WNT7A: variants seen among roughly 807,000 people sequenced by gnomAD.
The protein encoded by WNT7A is Wnt family member 7A, also known as protein Wnt-7a.
In WNT7A, 16 loss-of-function variants were observed where a neutral mutation model predicts 28.2. The observed-to-expected ratio is 0.57, with a 90% CI of 0.38 to 0.86. The LOEUF is 0.86. Among genes scored for constraint, WNT7A ranks in the 40% least tolerant of loss-of-function variants. The pLI is 0.00. For synonymous variants in WNT7A, 190 were observed against 195.9 expected (o/e 0.97, Z 0.25); for missense variants, 411 against 489.7 (o/e 0.84, Z 1.52).
intron 3 of WNT7A, among the ~76,000 whole-genome samples, chr3:13,828,671 C>T (rs1487117141): frequency 6.6e-6 from 1 of 152,184 alleles, no homozygotes; most frequent in Non-Finnish European, 1.5e-5. Flanking sequence ...AGGGCTGGAG[C>T]TCGAGACTCT....
Position 13,879,757 on chromosome 3 carries a change from G to A in WNT7A, c.60C>T (p.Tyr20=), listed in dbSNP as rs76365041. The A allele has an allele frequency of 2.3e-3, 3,744 of 1,612,970 alleles. 83 individuals carry two copies. In the African/African-American group the frequency reaches 0.043, roughly 18 times the overall value. Residue 20 remains tyrosine, a synonymous_variant, in exon 1 of 4, where the codon TAC becomes TAT. Transcript: ENST00000285018. ...CAGGCAGCCCTTACCCGATCCGGAG[G>A]TAGACCATGCCCAGGCTGAGAAAGA... is the stretch of plus-strand genomic sequence containing the variant. The part of the protein sequence containing the change: ...GHLFLSLGMV[Y]LRIGGFSSVV...
intron 2 of WNT7A, among the ~76,000 whole-genome samples, chr3:13,859,129 C>G (rs1694790551): frequency 1.3e-5 from 2 of 152,354 alleles, no homozygotes; most frequent in African/African-American, 4.8e-5. Flanking sequence ...TTGTTACTAT[C>G]ACCGAGTCCC....
intron 3 of WNT7A, among the ~76,000 whole-genome samples, chr3:13,831,268 C>G (rs916586832): frequency 1.3e-5 from 2 of 152,200 alleles, no homozygotes; most frequent in Non-Finnish European, 2.9e-5. Flanking sequence ...TCCGAGGTAG[C>G]TGCGGTGTCC....
At chr3:13,851,348 T>G (rs1694634024) in intron 3 of WNT7A, among the ~76,000 whole-genome samples, 1 of 152,186 alleles carries the variant, frequency 6.6e-6, no homozygotes, top group Non-Finnish European at 1.5e-5. Flanking sequence ...CTCCCCACCC[T>G]CGGCCACACG....
At chr3:13,831,211 C>A (rs1430483552) in intron 3 of WNT7A, among the ~76,000 whole-genome samples, 1 of 152,174 alleles carries the variant, frequency 6.6e-6, no homozygotes, top group South Asian at 2.1e-4. Context: ...GCAGACTGAG[C>A]GGCACAAGGG....
At chr3:13,868,826 AAG>A (rs150794926) in intron 2 of WNT7A, among the ~76,000 whole-genome samples, 54,861 of 97,886 alleles carry the variant, frequency 0.56, 15,963 homozygotes, top group East Asian at 0.84. Flanking sequence ...GAGAGAGAGA[AAG>A]AGAGAAAGAG....
chr3:13,844,383 C>G (rs1337757826), intron 3 of WNT7A, among the ~76,000 whole-genome samples: 1 of 152,252 alleles, frequency 6.6e-6, no homozygotes, highest in Non-Finnish European at 1.5e-5. Context: ...TTGCAGTGAG[C>G]AGCTGAGTGC....
chr3:13,852,822 T>A (rs1452432859), intron 3 of WNT7A, among the ~76,000 whole-genome samples: 2 of 152,164 alleles, frequency 1.3e-5, no homozygotes, highest in African/African-American at 4.8e-5. Context: ...GCCCTTTCTC[T>A]GCATACACCG....
chr3:13,871,520 C>G (rs931734912), intron 2 of WNT7A, among the ~76,000 whole-genome samples: 1 of 152,076 alleles, frequency 6.6e-6, no homozygotes, highest in Non-Finnish European at 1.5e-5. Flanking sequence ...TCCTAGCAGG[C>G]CTTTAGGTTG....
intron 3 of WNT7A, among the ~76,000 whole-genome samples, chr3:13,852,252 G>A (rs1694650946): frequency 6.6e-6 from 1 of 152,110 alleles, no homozygotes; most frequent in Admixed American, 6.5e-5. Flanking sequence ...CTGCCAACAA[G>A]CCCCAGAGCC....
intron 3 of WNT7A, among the ~76,000 whole-genome samples, chr3:13,829,972 C>A (rs757352290): frequency 8.5e-5 from 13 of 152,160 alleles, no homozygotes; most frequent in Admixed American, 8.5e-4. Flanking sequence ...ACCCTCCCAG[C>A]GCTGGAGGCA....
chr3:13,879,410 A>G (rs1201869924), intron 1 of WNT7A, among the ~76,000 whole-genome samples: 1 of 151,976 alleles, frequency 6.6e-6, no homozygotes. Context: ...TGCTGTCCCT[A>G]TGCCCGGGTC....
intron 3 of WNT7A, among the ~76,000 whole-genome samples, chr3:13,831,516 G>C (rs1294901125): frequency 2.6e-5 from 4 of 152,162 alleles, no homozygotes; most frequent in African/African-American, 9.7e-5. Flanking sequence ...TGGTCACTTG[G>C]GCTGGCTTGT....
chr3:13,837,982 G>A (rs1575063667), intron 3 of WNT7A, among the ~76,000 whole-genome samples: 1 of 152,218 alleles, frequency 6.6e-6, no homozygotes, highest in African/African-American at 2.4e-5. Context: ...ACGCTGCCCC[G>A]CAACAGCCCC....
At chr3:13,847,087 G>A (rs1206281633) in intron 3 of WNT7A, among the ~76,000 whole-genome samples, 1 of 152,206 alleles carries the variant, frequency 6.6e-6, no homozygotes, top group Non-Finnish European at 1.5e-5. Flanking sequence ...ATCACTGACA[G>A]GACCTGGCTG....
At chr3:13,861,712 G>A (rs1340033253) in intron 2 of WNT7A, among the ~76,000 whole-genome samples, 4 of 152,180 alleles carry the variant, frequency 2.6e-5, no homozygotes, top group Non-Finnish European at 5.9e-5. Context: ...AGGTGAGGCT[G>A]TGGGCGGGTG....
rs1479454888 is a variant in WNT7A at position 13,875,053 on chromosome 3, T to A, written c.192A>T (p.Glu64Asp). The change falls in exon 2 of 4, where the codon GAA becomes GAT. Residue 64 changes from glutamate to aspartate, a missense_variant. Coordinates refer to ENST00000285018, the MANE Select transcript of WNT7A (RefSeq NM_004625.4). ...ACTCGTCCAGGCCCATTTGTGAGCC[T>A]TCTCCTATGACGATGATGGCGTCGG... ...SRPDAIIVIGEGSQMGLDECQ... is the reference protein window; with the variant it reads ...SRPDAIIVIGDGSQMGLDECQ... 1.9e-6 allele frequency: 3 copies of A among 1,614,106 alleles called. No homozygotes were observed. Among genetic ancestry groups the A allele is most frequent in the Non-Finnish European group, 2.5e-6 (3 of 1,180,052 alleles).
At chr3:13,878,422 A>G (rs1695145797) in intron 1 of WNT7A, among the ~76,000 whole-genome samples, 1 of 152,110 alleles carries the variant, frequency 6.6e-6, no homozygotes. Context: ...AAGCAGGGGA[A>G]AAAAAGGAAA....
At chr3:13,879,502 C>G (rs1695173258) in intron 1 of WNT7A, among the ~76,000 whole-genome samples, 1 of 152,072 alleles carries the variant, frequency 6.6e-6, no homozygotes, top group African/African-American at 2.4e-5. Flanking sequence ...TCCCTACCGG[C>G]TGTCTCTGGT....
Sources: gnomAD v4.1 joint callset for allele counts (sites outside exome capture counted in the v4.1 genomes callset) on GRCh38, gnomAD v4.1.1 for gene constraint, MANE v1.5 for transcripts, NCBI Gene and HGNC (gene_info 2026-07-23, HGNC 2026-07-21) for gene names.